The following GYS2 variants were observed in gnomAD, a reference collection of about 807,000 sequenced individuals.
The protein encoded by GYS2 is glycogen synthase 2, also known as glycogen [starch] synthase, liver.
A neutral mutation model predicts 85.6 loss-of-function variants in GYS2; 80 were observed. That is an observed-to-expected ratio of 0.93 (90% CI 0.78 to 1.13). GYS2 has a LOEUF of 1.13. GYS2 is among the 50% of genes most tolerant of loss of function. The pLI, the probability that GYS2 is intolerant of heterozygous loss-of-function variation, is 0.00. For synonymous variants in GYS2, 328 were observed against 300.7 expected (o/e 1.09, Z -0.94); for missense variants, 881 against 854.9 (o/e 1.03, Z -0.38).
chr12:21,550,629 G>A (rs983964112), intron 11 of GYS2, among the ~76,000 whole-genome samples: 4 of 152,102 alleles, frequency 2.6e-5, no homozygotes, highest in African/African-American at 9.7e-5. Flanking sequence ...TGTTCTGGAA[G>A]GAAAAGGAAA....
chr12:21,585,781 T>G (rs1944565916), intron 1 of GYS2, among the ~76,000 whole-genome samples: 1 of 152,256 alleles, frequency 6.6e-6, no homozygotes, highest in South Asian at 2.1e-4. Context: ...TACATTTTAC[T>G]TCCTTTTTCC....
At chr12:21,575,676 A>G (rs2136905592) in intron 3 of GYS2, among the ~76,000 whole-genome samples, 190 bp downstream of exon 3, 1 of 152,238 alleles carries the variant, frequency 6.6e-6, no homozygotes, top group East Asian at 1.9e-4. Context: ...AGTAATAAGT[A>G]TCATTATTAC....
At chr12:21,567,101 T>A (rs1944330040) in intron 5 of GYS2, among the ~76,000 whole-genome samples, 2 of 152,010 alleles carry the variant, frequency 1.3e-5, no homozygotes, top group South Asian at 4.1e-4. Context: ...ATAAAAAACA[T>A]TAGATGACCC....
At chr12:21,555,563 T>C (rs1397418387) in intron 11 of GYS2, among the ~76,000 whole-genome samples, 1 of 152,198 alleles carries the variant, frequency 6.6e-6, no homozygotes, top group Non-Finnish European at 1.5e-5. Flanking sequence ...GAAATTTACA[T>C]TTGTCTCATC....
At chr12:21,564,099 G>A (rs561588754) in intron 5 of GYS2, among the ~76,000 whole-genome samples, 88 of 152,122 alleles carry the variant, frequency 5.8e-4, no homozygotes, top group Non-Finnish European at 1.0e-3. Context: ...AGCATATGAC[G>A]GAAACTACCT....
intron 14 of GYS2, 127 bp downstream of exon 14, chr12:21,540,283 A>T (rs538583947): frequency 5.7e-6 from 5 of 879,802 alleles, no homozygotes; most frequent in Non-Finnish European, 7.4e-6. Flanking sequence ...TAAAAAGTAC[A>T]TGGAGACACT....
intron 11 of GYS2, among the ~76,000 whole-genome samples, chr12:21,551,009 T>A (rs146706700): frequency 0.03 from 451 of 14,838 alleles, 4 homozygotes; most frequent in South Asian, 0.28. Context: ...TTCTTTTTTT[T>A]TTAATTTTTT....
intron 11 of GYS2, among the ~76,000 whole-genome samples, chr12:21,557,233 G>A (rs1404047619): frequency 6.6e-6 from 1 of 152,188 alleles, no homozygotes; most frequent in African/African-American, 2.4e-5. Context: ...ATGGAGCTTA[G>A]TAGAGGTAAG....
At chr12:21,575,782 T>G in intron 3 of GYS2, 84 bp downstream of exon 3, 2 of 1,039,596 alleles carry the variant, frequency 1.9e-6, no homozygotes, top group Non-Finnish European at 3.0e-6. Context: ...AAAATCTGCC[T>G]CATTTAAAGA....
At chr12:21,591,079 G>C (rs1420668413) in intron 1 of GYS2, among the ~76,000 whole-genome samples, 2 of 151,874 alleles carry the variant, frequency 1.3e-5, no homozygotes, top group Non-Finnish European at 2.9e-5. Context: ...AACATAAAAA[G>C]GTGAAGAAAT....
chr12:21,539,110 G>A lies in GYS2; in HGVS notation c.1890+148C>T. On this transcript the variant is annotated intron_variant, in intron 15 of 15. Coordinates refer to ENST00000261195, the MANE Select transcript of GYS2 (RefSeq NM_021957.4). ...TGAGAGCTTTAGGACAGTCTGATTT[G>A]TGAGTTCCTCTCTCTCTCCTTTGGT... The A allele has an allele frequency of 4.8e-6, 3 of 627,184 alleles. No homozygotes were observed. The South Asian group carries it at 5.9e-5, about 12-fold the overall frequency. The allele number at this position is 627,184 out of a possible 1,614,324, so 38.9% of individuals were successfully genotyped here. A position where few individuals can be genotyped will look rare whatever the true frequency, so the allele number is the denominator to read the frequency against.
Position 21,537,089 on chromosome 12 carries a change from C to T in GYS2, c.1977G>A (p.Val659=). 6.2e-7 allele frequency: 1 copy of T among 1,613,770 alleles called. No homozygotes were observed. Among genetic ancestry groups the T allele is most frequent in the Non-Finnish European group, 8.5e-7 (1 of 1,179,766 alleles). The change falls in exon 16 of 16, where the codon GTG becomes GTA. Residue 659 remains valine, a synonymous_variant. Transcript: ENST00000261195. ...SQASSPQSSD[V]EDEVEDERYD... is the part of the protein sequence containing the mutation. Reference sequence around the variant, plus strand: ...ATCTCTCATCCTCCACTTCATCTTCCACATCACTGCTCTGAGGACTGGAGG... The same window carrying T: ...ATCTCTCATCCTCCACTTCATCTTCTACATCACTGCTCTGAGGACTGGAGG...
intron 1 of GYS2, among the ~76,000 whole-genome samples, chr12:21,592,134 A>C (rs1190177946): frequency 6.6e-6 from 1 of 151,032 alleles, no homozygotes; most frequent in Non-Finnish European, 1.5e-5. Flanking sequence ...CCACAATCAT[A>C]AATAATAAGA....
chr12:21,584,921 T>A (rs1944556259), intron 1 of GYS2, among the ~76,000 whole-genome samples: 1 of 152,210 alleles, frequency 6.6e-6, no homozygotes, highest in South Asian at 2.1e-4. Context: ...TTACTGGTCT[T>A]ACCATGATCC....
intron 11 of GYS2, among the ~76,000 whole-genome samples, chr12:21,555,588 A>G (rs1314760300): frequency 6.6e-6 from 1 of 152,212 alleles, no homozygotes; most frequent in African/African-American, 2.4e-5. Context: ...TTCCTCCCTT[A>G]GGAAACTGAT....
intron 15 of GYS2, among the ~76,000 whole-genome samples, chr12:21,539,040 G>A (rs1359525779): frequency 2.0e-5 from 3 of 152,188 alleles, no homozygotes; most frequent in Non-Finnish European, 2.9e-5. Flanking sequence ...GGCAGAGAAA[G>A]TTTTAATTCA....
intron 13 of GYS2, among the ~76,000 whole-genome samples, chr12:21,540,956 A>G (rs2136839120): frequency 6.6e-6 from 1 of 152,232 alleles, no homozygotes; most frequent in East Asian, 1.9e-4. Context: ...GCCTGAGGAA[A>G]GAGCCACAGT....
At chr12:21,595,175 C>A (rs183537399) in intron 1 of GYS2, among the ~76,000 whole-genome samples, 125 of 152,264 alleles carry the variant, frequency 8.2e-4, no homozygotes, top group African/African-American at 2.6e-3. Context: ...GCCTAGATTG[C>A]AGCTCCAACT....
downstream of GYS2, among the ~76,000 whole-genome samples, chr12:21,533,859 C>G (rs1322730074): frequency 6.6e-6 from 1 of 152,178 alleles, no homozygotes; most frequent in Admixed American, 6.5e-5. Context: ...CTGAGAAGTT[C>G]AAGATCAAGG....
Sources: gnomAD v4.1 joint callset for allele counts (sites outside exome capture counted in the v4.1 genomes callset) on GRCh38, gnomAD v4.1.1 for gene constraint, MANE v1.5 for transcripts, NCBI Gene and HGNC (gene_info 2026-07-23, HGNC 2026-07-21) for gene names.